The following CSMD3 variants were observed in gnomAD, a reference collection of about 807,000 sequenced individuals.
The protein encoded by CSMD3 is CUB and Sushi multiple domains 3.
In CSMD3, 177 loss-of-function variants were observed where a neutral mutation model predicts 435.2. The observed-to-expected ratio is 0.41, with a 90% CI of 0.36 to 0.46. CSMD3 has a LOEUF of 0.46. Among genes scored for constraint, CSMD3 ranks in the 20% least tolerant of loss-of-function variants. The pLI is 0.34. For missense variants in CSMD3, 4,265 were observed against 4,504.6 expected (o/e 0.95, Z 1.52); for synonymous variants, 1,656 against 1,520.5 (o/e 1.09, Z -2.07).
chr8:112,714,024 A>G (rs2076669464), intron 13 of CSMD3, among the ~76,000 whole-genome samples: 1 of 152,212 alleles, frequency 6.6e-6, no homozygotes, highest in Non-Finnish European at 1.5e-5. Context: ...CTAGTGGGCA[A>G]AATAACCAGA....
At chr8:112,430,350 A>G (rs1813528093) in intron 32 of CSMD3, among the ~76,000 whole-genome samples, 2 of 152,202 alleles carry the variant, frequency 1.3e-5, no homozygotes, top group South Asian at 4.1e-4. Context: ...TAGATACATT[A>G]TCTCATGTAA....
At position 112,776,078 on chromosome 8, in the gene CSMD3, T is replaced by C. The variant is rs138632383; in HGVS notation, c.1972+24084A>G. On this transcript the variant is annotated intron_variant, in intron 13 of 70. Coordinates refer to ENST00000297405, the MANE Select transcript of CSMD3 (RefSeq NM_198123.2). ...GCAAGTAAGCCACATAAGGAGAAAA[T>C]AGATTTTTCAGAGGACAGCTTATCT... Among the ~76,000 whole-genome samples the C allele has an allele frequency of 2.8e-3, 422 of 151,762 alleles. 7 individuals carry two copies. Among genetic ancestry groups the C allele is most frequent in the Admixed American group, 4.1e-3 (62 of 15,210 alleles).
chr8:112,638,875 T>C lies in CSMD3; in HGVS notation c.3347A>G (p.Asp1116Gly), dbSNP rs2131590029. The change falls in exon 21 of 71, where the codon GAC becomes GGC. Residue 1116 changes from aspartate to glycine, a missense_variant. Physicochemically the swap from Asp to Gly is moderately conservative, Grantham distance 94. This residue lies in a region of CSMD3 where 3,255 missense variants were observed against 3,380.2 expected (regional missense o/e 0.96). Coordinates refer to ENST00000297405, the MANE Select transcript of CSMD3 (RefSeq NM_198123.2). ...TGTGATCAGTAAGTAGTCATGATGGTCTTCCAAATGAAAAGTGTGGAAGTT... is the reference window on the plus strand; with the variant it reads ...TGTGATCAGTAAGTAGTCATGATGGCCTTCCAAATGAAAAGTGTGGAAGTT... Reference protein sequence around the residue: ...QFNFHTFHLEDHHDYLLITEN... With the variant: ...QFNFHTFHLEGHHDYLLITEN... The C allele has an allele frequency of 6.2e-7, 1 of 1,613,330 alleles. No homozygotes were observed. The highest frequency in any genetic ancestry group is 8.5e-7 in the Non-Finnish European group (1 of 1,179,516).
At chr8:112,463,067 C>T (rs1817613826) in intron 32 of CSMD3, among the ~76,000 whole-genome samples, 1 of 152,090 alleles carries the variant, frequency 6.6e-6, no homozygotes, top group African/African-American at 2.4e-5. Context: ...GTCTTGAAAT[C>T]CAAACCAGGG....
intron 5 of CSMD3, among the ~76,000 whole-genome samples, chr8:113,075,719 A>G (rs537895423): frequency 1.3e-5 from 2 of 151,934 alleles, no homozygotes; most frequent in South Asian, 2.1e-4. Flanking sequence ...ACCTATTTAA[A>G]TGTTATCCAA....
intron 32 of CSMD3, among the ~76,000 whole-genome samples, chr8:112,467,556 T>C (rs943291971): frequency 1.3e-5 from 2 of 152,164 alleles, no homozygotes; most frequent in African/African-American, 4.8e-5. Context: ...TTATAGTGGA[T>C]TGAATAGTGT....
chr8:112,618,719 C>T (rs1020725413), intron 22 of CSMD3, among the ~76,000 whole-genome samples: 2 of 151,964 alleles, frequency 1.3e-5, no homozygotes, highest in Non-Finnish European at 2.9e-5. Context: ...AGAACAAAGG[C>T]ATTAACTGAA....
intron 11 of CSMD3, among the ~76,000 whole-genome samples, chr8:112,842,583 T>C (rs928766313): frequency 6.6e-6 from 1 of 151,814 alleles, no homozygotes; most frequent in Non-Finnish European, 1.5e-5. Context: ...TCTTACTGCA[T>C]ATCTCATATT....
intron 5 of CSMD3, among the ~76,000 whole-genome samples, chr8:113,049,655 C>G (rs2087999716): frequency 6.6e-6 from 1 of 152,036 alleles, no homozygotes; most frequent in Admixed American, 6.6e-5. Flanking sequence ...ACTTGTTGTG[C>G]CTTTATGTTG....
intron 42 of CSMD3, among the ~76,000 whole-genome samples, chr8:112,340,124 T>C (rs1824955451): frequency 6.6e-6 from 1 of 152,210 alleles, no homozygotes; most frequent in Non-Finnish European, 1.5e-5. Context: ...TAGTCTGTTT[T>C]AAGGTGCATG....
At chr8:113,122,702 T>C (rs1014921309) in intron 4 of CSMD3, among the ~76,000 whole-genome samples, 40 of 152,056 alleles carry the variant, frequency 2.6e-4, no homozygotes, top group Admixed American at 1.2e-3. Flanking sequence ...GCCAAGGCAA[T>C]GGTCAGATTC....
chr8:112,972,573 TA>T (rs1005364319), intron 7 of CSMD3, among the ~76,000 whole-genome samples: 21 of 151,776 alleles, frequency 1.4e-4, no homozygotes, highest in Middle Eastern at 3.4e-3. Flanking sequence ...TGCCTTTATT[TA>T]AAAAAAACTG....
intron 5 of CSMD3, among the ~76,000 whole-genome samples, chr8:113,047,191 TACC>T (rs2087874242): frequency 6.6e-6 from 1 of 152,214 alleles, no homozygotes; most frequent in Non-Finnish European, 1.5e-5. Flanking sequence ...CATTAACACT[TACC>T]ACTTTCTAAT....
chr8:112,817,602 A>T (rs1352423909), intron 12 of CSMD3, among the ~76,000 whole-genome samples: 2 of 152,068 alleles, frequency 1.3e-5, no homozygotes, highest in African/African-American at 4.8e-5. Flanking sequence ...TGCTATTTCA[A>T]ACTTTGGGAA....
chr8:112,281,859 C>A (rs1465302995), intron 58 of CSMD3, among the ~76,000 whole-genome samples: 1 of 152,012 alleles, frequency 6.6e-6, no homozygotes, highest in Non-Finnish European at 1.5e-5. Context: ...TGTATAAATT[C>A]TATTTCTAGA....
At chr8:113,354,828 G>A (rs1051578708) in intron 1 of CSMD3, among the ~76,000 whole-genome samples, 7 of 151,640 alleles carry the variant, frequency 4.6e-5, no homozygotes, top group Non-Finnish European at 7.4e-5. Context: ...TTGTAGACAC[G>A]AGGATTCACC....
At chr8:112,476,451 T>C (rs1027202149) in intron 31 of CSMD3, among the ~76,000 whole-genome samples, 3 of 152,194 alleles carry the variant, frequency 2.0e-5, no homozygotes, top group Admixed American at 2.0e-4. Context: ...CTTGAGACTT[T>C]AGTAAGTTTT....
intron 24 of CSMD3, among the ~76,000 whole-genome samples, chr8:112,572,926 C>T (rs1451527793): frequency 2.6e-5 from 4 of 152,138 alleles, no homozygotes; most frequent in East Asian, 3.9e-4. Context: ...ACCCACCCTA[C>T]CCCTGGTTCT....
intron 11 of CSMD3, among the ~76,000 whole-genome samples, chr8:112,835,211 T>C (rs1428755546): frequency 4.6e-5 from 7 of 151,872 alleles, no homozygotes; most frequent in Non-Finnish European, 8.8e-5. Flanking sequence ...GCTCAATACA[T>C]AGGTTTTTAC....
Sources: allele counts gnomAD v4.1 joint callset (sites outside exome capture counted in the v4.1 genomes callset), GRCh38; gene constraint gnomAD v4.1.1; regional missense constraint gnomAD v4.1.1; transcripts MANE v1.5; gene names NCBI Gene and HGNC (gene_info 2026-07-23, HGNC 2026-07-21).